Variants in SLCO3A1 observed in about 807,000 individuals in gnomAD.
SLCO3A1 encodes solute carrier organic anion transporter family member 3A1.
Under a neutral mutation model 63.1 loss-of-function variants are expected in SLCO3A1, and 27 were observed. That is an observed-to-expected ratio of 0.43 (90% CI 0.32 to 0.59). The LOEUF (loss-of-function observed/expected upper bound fraction) is 0.59. SLCO3A1 is among the 20% of genes least tolerant of loss of function. The pLI is 0.09. For synonymous variants in SLCO3A1, 473 were observed against 409.9 expected, an observed-to-expected ratio of 1.15 and a Z score of -1.86; for missense variants, 773 against 945.8, an observed-to-expected ratio of 0.82 and a Z score of 2.40.
chr15:91,952,952 C>T (rs956325245), intron 2 of SLCO3A1, among the ~76,000 whole-genome samples: 4 of 152,136 alleles, frequency 2.6e-5, no homozygotes, highest in Non-Finnish European at 5.9e-5. Context: ...GAAGAGGCAG[C>T]TGAGTGAGTC....
intron 2 of SLCO3A1, among the ~76,000 whole-genome samples, chr15:92,008,642 C>A (rs8040010): frequency 2.6e-5 from 4 of 151,980 alleles, no homozygotes; most frequent in African/African-American, 9.7e-5. Context: ...GTTTAAAATT[C>A]TGTGTTCAAC....
chr15:92,141,477 G>A (rs1258447833), intron 7 of SLCO3A1, among the ~76,000 whole-genome samples: 3 of 152,158 alleles, frequency 2.0e-5, no homozygotes, highest in Non-Finnish European at 4.4e-5. Context: ...TTTGGGGTGA[G>A]AATTAGGATC....
chr15:92,168,676 C>T (rs2048506200), downstream of SLCO3A1, among the ~76,000 whole-genome samples: 1 of 152,134 alleles, frequency 6.6e-6, no homozygotes, highest in African/African-American at 2.4e-5. Context: ...AGGAAGGGAC[C>T]CTGAGCTAGG....
intron 1 of SLCO3A1, among the ~76,000 whole-genome samples, chr15:91,880,131 G>GTCCGTCCGTCCGTCCA (rs1363224943): frequency 2.3e-5 from 3 of 130,454 alleles, no homozygotes; most frequent in Non-Finnish European, 4.7e-5. Context: ...CCGTCCGTCC[G>GTCCGTCCGTCCGTCCA]TCCATCCATC....
At chr15:92,069,587 C>G (rs1196006056) in intron 2 of SLCO3A1, among the ~76,000 whole-genome samples, 2 of 152,202 alleles carry the variant, frequency 1.3e-5, no homozygotes, top group Non-Finnish European at 2.9e-5. Flanking sequence ...TTGCTTCCAG[C>G]TCTGTCAAAA....
chr15:92,105,459 C>G (rs1948754567), intron 4 of SLCO3A1, among the ~76,000 whole-genome samples: 1 of 152,138 alleles, frequency 6.6e-6, no homozygotes, highest in Non-Finnish European at 1.5e-5. Context: ...AAAAGTGCAA[C>G]TTTTCTGACA....
At chr15:91,965,535 C>G (rs998603962) in intron 2 of SLCO3A1, among the ~76,000 whole-genome samples, 4 of 152,196 alleles carry the variant, frequency 2.6e-5, no homozygotes, top group African/African-American at 9.7e-5. Context: ...CCCACCCCAC[C>G]CCCTAACTTC....
In SLCO3A1 at chr15:91,882,999, G is replaced by A. The variant is rs1897631547; in HGVS notation, c.180+28911G>A. Among the ~76,000 whole-genome samples, 1 of 152,208 alleles carries A rather than the reference G, an allele frequency of 6.6e-6. No homozygotes were observed. The highest frequency in any genetic ancestry group is 1.5e-5 in the Non-Finnish European group (1 of 68,038). On this transcript the variant is annotated intron_variant, in intron 1 of 9. Transcript: ENST00000318445. This position sits in a 1 kb window ranked among gnomAD's most constrained non-coding sequence, Gnocchi z 4.4. ...CCCAGTGAGTAAGGGAATGACAGAT[G>A]GGACAGCAGCCACCATGCAAGCCAG...
At chr15:91,857,476 G>A (rs534931102) in intron 1 of SLCO3A1, among the ~76,000 whole-genome samples, 6 of 152,152 alleles carry the variant, frequency 3.9e-5, no homozygotes, top group Non-Finnish European at 5.9e-5. Flanking sequence ...AGGCCTGCTC[G>A]GTTTGATAGT....
chr15:91,967,017 A>G lies in SLCO3A1; in HGVS notation c.646+50559A>G, dbSNP rs1276985210. The stretch of plus-strand genomic sequence containing the variant: ...ATTTTTTTTTTTGACAGCAAGAGAG[A>G]TGAGATACAATTTGTATTTTTGAAC... On this transcript the variant is annotated intron_variant, in intron 2 of 9. Transcript: ENST00000318445. The surrounding 1 kb of genome is among the most constrained non-coding windows in gnomAD (Gnocchi z 4.4). Among the ~76,000 whole-genome samples the G allele has an allele frequency of 6.6e-6, 1 of 151,894 alleles. No individual in the cohort carries two copies. The highest frequency in any genetic ancestry group is 1.5e-5 in the Non-Finnish European group (1 of 67,972).
intron 2 of SLCO3A1, among the ~76,000 whole-genome samples, chr15:91,935,045 C>T (rs1899360001): frequency 6.6e-6 from 1 of 152,198 alleles, no homozygotes; most frequent in Admixed American, 6.5e-5. Flanking sequence ...CCTCCGCCTC[C>T]TGGGTTCAAG....
intron 5 of SLCO3A1, among the ~76,000 whole-genome samples, chr15:92,121,083 G>A (rs1490170632): frequency 1.3e-5 from 2 of 152,138 alleles, no homozygotes; most frequent in African/African-American, 4.8e-5. Flanking sequence ...AATGGATCAT[G>A]ACACTCCTTC....
intron 2 of SLCO3A1, among the ~76,000 whole-genome samples, chr15:92,008,581 C>T (rs906597299): frequency 2.0e-5 from 3 of 152,196 alleles, no homozygotes; most frequent in African/African-American, 4.8e-5. Flanking sequence ...CATCTAGATT[C>T]ATTTTTACAG....
Position 91,935,203 on chromosome 15 carries a change from C to T in SLCO3A1, c.646+18745C>T, listed in dbSNP as rs184844635. On this transcript the variant is annotated intron_variant, in intron 2 of 9. Transcript: ENST00000318445. ...TCTTGACTTCGTGATCTGCCCGCCT[C>T]GGCCTCCCAAAGTGCTGGGATTACA... is the stretch of plus-strand genomic sequence containing the variant. Among the ~76,000 whole-genome samples, 26 of 152,288 alleles carry T rather than the reference C, an allele frequency of 1.7e-4. No homozygotes were observed. In the East Asian group the frequency reaches 2.3e-3, roughly 14 times the overall value.
intron 2 of SLCO3A1, among the ~76,000 whole-genome samples, chr15:91,930,158 T>C (rs72751979): frequency 0.065 from 9,877 of 152,266 alleles, 472 homozygotes; most frequent in Non-Finnish European, 0.099. Context: ...TTCCTGCATT[T>C]AAAAGCTCCA....
At chr15:91,884,766 T>C (rs1162242881) in intron 1 of SLCO3A1, among the ~76,000 whole-genome samples, 1 of 152,174 alleles carries the variant, frequency 6.6e-6, no homozygotes, top group African/African-American at 2.4e-5. Flanking sequence ...TTTTACATCA[T>C]TGGAATTATT....
intron 7 of SLCO3A1, among the ~76,000 whole-genome samples, chr15:92,136,830 A>G (rs1351979852): frequency 6.6e-6 from 1 of 152,110 alleles, no homozygotes; most frequent in Non-Finnish European, 1.5e-5. Context: ...AAAAGGCCCT[A>G]TTCTGTACCT....
chr15:92,084,059 TG>T (rs1259632772), intron 2 of SLCO3A1, among the ~76,000 whole-genome samples: 1 of 152,264 alleles, frequency 6.6e-6, no homozygotes, highest in Non-Finnish European at 1.5e-5. Context: ...GAGCATGTGC[TG>T]CTTTTAAAAT....
intron 2 of SLCO3A1, among the ~76,000 whole-genome samples, chr15:92,015,366 C>G (rs1345412633): frequency 3.3e-5 from 5 of 151,868 alleles, no homozygotes; most frequent in Admixed American, 6.6e-5. Flanking sequence ...TGTCAGAAGG[C>G]GAAGAAGAAG....
Sources: allele counts gnomAD v4.1 joint callset (sites outside exome capture counted in the v4.1 genomes callset), GRCh38; gene constraint gnomAD v4.1.1; non-coding constraint Gnocchi (gnomAD v3.1); transcripts MANE v1.5; gene names NCBI Gene and HGNC (gene_info 2026-07-23, HGNC 2026-07-21).